SAMD3: variants seen among roughly 807,000 people sequenced by gnomAD.
SAMD3 encodes sterile alpha motif domain-containing protein 3.
In SAMD3, 63 loss-of-function variants were observed where a neutral mutation model predicts 58.5. The ratio of observed to expected loss-of-function variants is 1.08; its 90% CI spans 0.88 to 1.33. SAMD3 has a LOEUF of 1.33. Among genes scored for constraint, SAMD3 ranks in the 40% most tolerant of loss-of-function variants. SAMD3 has a pLI of 0.00. For missense variants in SAMD3, 604 were observed against 608.4 expected (o/e 0.99, Z 0.08); for synonymous variants, 220 against 210.3 (o/e 1.05, Z -0.40).
intron 1 of SAMD3, among the ~76,000 whole-genome samples, chr6:130,351,329 T>G (rs1196965859): frequency 6.6e-6 from 1 of 152,196 alleles, no homozygotes; most frequent in East Asian, 1.9e-4. Context: ...TCTACTCGTC[T>G]GACAAAGGGC....
At chr6:130,315,838 A>C (rs1171296192) in intron 1 of SAMD3, among the ~76,000 whole-genome samples, 1 of 152,154 alleles carries the variant, frequency 6.6e-6, no homozygotes, top group East Asian at 1.9e-4. Flanking sequence ...TATTAATTCT[A>C]TAACGATGAG....
chr6:130,164,392 TAA>T (rs2114625705), intron 8 of SAMD3, among the ~76,000 whole-genome samples: 2 of 152,312 alleles, frequency 1.3e-5, no homozygotes, highest in East Asian at 3.9e-4. Context: ...CAAATGGCAG[TAA>T]CTCTCATATA....
At chr6:130,348,514 A>C (rs1777535597) in intron 1 of SAMD3, among the ~76,000 whole-genome samples, 1 of 152,222 alleles carries the variant, frequency 6.6e-6, no homozygotes, top group African/African-American at 2.4e-5. Flanking sequence ...GATCAATTCA[A>C]CAAGAAGAGC....
At chr6:130,219,381 G>T (rs1418685865) in intron 1 of SAMD3, among the ~76,000 whole-genome samples, 1 of 151,894 alleles carries the variant, frequency 6.6e-6, no homozygotes, top group Non-Finnish European at 1.5e-5. Flanking sequence ...GTGGTGTTTG[G>T]TTACCTGCAT....
At chr6:130,178,256 G>C (rs1261755034) in intron 7 of SAMD3, among the ~76,000 whole-genome samples, 1 of 125,658 alleles carries the variant, frequency 8.0e-6, no homozygotes, top group East Asian at 1.9e-4. Context: ...GATTACAGGC[G>C]TGAGCCACCA....
At chr6:130,165,691 A>G (rs534883328) in intron 8 of SAMD3, among the ~76,000 whole-genome samples, 33 of 152,258 alleles carry the variant, frequency 2.2e-4, no homozygotes, top group African/African-American at 7.5e-4. Context: ...TCATGGCCAG[A>G]AAGTTTATGA....
rs139602477 is a variant in SAMD3, at chr6:130,154,192, T to C, written c.1023+633A>G. 1.7e-3 allele frequency among the ~76,000 whole-genome samples: 263 copies of C among 151,212 alleles called. 1 individual carries two copies. The highest frequency in any genetic ancestry group is 6.1e-3 in the African/African-American group (251 of 41,174). ...CCAATGACAGAGAACTCTTTAGTTC[T>C]GAAGGCAGCTGGTGCCTATTATCTG... On this transcript the variant is annotated intron_variant, in intron 9 of 11. Transcript: ENST00000439090.
chr6:130,197,599 A>G (rs2114771013), intron 5 of SAMD3, among the ~76,000 whole-genome samples: 1 of 152,186 alleles, frequency 6.6e-6, no homozygotes, highest in South Asian at 2.1e-4. Context: ...TAAATGACAA[A>G]TATTCCTTCT....
chr6:130,355,157 C>T (rs2115040150), intron 1 of SAMD3, among the ~76,000 whole-genome samples: 1 of 152,320 alleles, frequency 6.6e-6, no homozygotes, highest in South Asian at 2.1e-4. Flanking sequence ...GGCACGGTGG[C>T]TCACGCCTGT....
intron 1 of SAMD3, among the ~76,000 whole-genome samples, chr6:130,326,810 T>G (rs552323463): frequency 3.9e-5 from 6 of 152,338 alleles, no homozygotes; most frequent in African/African-American, 1.4e-4. Flanking sequence ...GAGGATAATG[T>G]GAACGTCTAC....
In SAMD3 at chr6:130,334,929, T is replaced by G. The variant is rs149284944; in HGVS notation, c.-303-21836A>C. ...ACCAGCAGACAGCCAGCATGCATGCTTAGTGTGAAAAGGACAGCATGTCAT... is the reference window on the plus strand; with the variant it reads ...ACCAGCAGACAGCCAGCATGCATGCGTAGTGTGAAAAGGACAGCATGTCAT... On this transcript the variant is annotated intron_variant, in intron 1 of 13. Coordinates refer to the SAMD3 transcript ENST00000368134. Among the ~76,000 whole-genome samples the G allele has an allele frequency of 2.0e-3, 310 of 152,340 alleles. 1 individual carries two copies. Among genetic ancestry groups the G allele is most frequent in the African/African-American group, 7.3e-3 (305 of 41,578 alleles).
rs73612035 is a variant in SAMD3 at position 130,285,964 on chromosome 6, G to A, written c.-188+27014C>T. The stretch of plus-strand genomic sequence containing the variant: ...AGTGCTTTAGAAACACTAGTTTGTT[G>A]TCATAATAAAAATGATTATGCACCT... On this transcript the variant is annotated intron_variant, in intron 2 of 13. Transcript: ENST00000368134. Among the ~76,000 whole-genome samples, 1,245 of 152,246 alleles carry A rather than the reference G, an allele frequency of 8.2e-3. 18 individuals are homozygous for A. Among genetic ancestry groups the A allele is most frequent in the African/African-American group, 0.029 (1,190 of 41,534 alleles).
intron 1 of SAMD3, among the ~76,000 whole-genome samples, chr6:130,341,456 T>A (rs189714093): frequency 6.6e-6 from 1 of 152,344 alleles, no homozygotes; most frequent in Admixed American, 6.5e-5. Flanking sequence ...AAAATCATAC[T>A]TAACTTGCCT....
Position 130,341,260 on chromosome 6 carries a change from C to A in SAMD3, c.-304+23860G>T, listed in dbSNP as rs184421886. ...TTAACACATGATATCACATCAGAAT[C>A]CTTCAGCTGACTGATGACTACCCCA... On this transcript the variant is annotated intron_variant, in intron 1 of 13. Transcript: ENST00000368134. Among the ~76,000 whole-genome samples the A allele has an allele frequency of 7.0e-4, 107 of 152,282 alleles. 1 individual carries two copies. The highest frequency in any genetic ancestry group is 7.5e-4 in the Non-Finnish European group (51 of 68,024).
Position 130,271,811 on chromosome 6 carries a change from C to T in SAMD3, c.-188+41167G>A, listed in dbSNP as rs143683189. 7.2e-3 allele frequency among the ~76,000 whole-genome samples: 1,089 copies of T among 152,258 alleles called. 11 individuals are homozygous for T. The highest frequency in any genetic ancestry group is 0.017 in the Middle Eastern group (5 of 294). ...TGGCAGAAGATGAAGGAAGAGCTAACGAACATCTTACATGGTGGCAGGCAA... is the reference window on the plus strand; with the variant it reads ...TGGCAGAAGATGAAGGAAGAGCTAATGAACATCTTACATGGTGGCAGGCAA... On this transcript the variant is annotated intron_variant, in intron 2 of 13. Coordinates refer to the SAMD3 transcript ENST00000368134.
chr6:130,254,575 T>C (rs1477201037), intron 2 of SAMD3, among the ~76,000 whole-genome samples: 1 of 152,162 alleles, frequency 6.6e-6, no homozygotes, highest in Non-Finnish European at 1.5e-5. Flanking sequence ...GCAATCTGCC[T>C]GCCTTGGCCT....
chr6:130,159,451 C>A (rs1790086099), intron 8 of SAMD3: 1 of 152,244 alleles, frequency 6.6e-6, no homozygotes. Flanking sequence ...TTTTCATCTG[C>A]CACACAGAGG....
At chr6:130,181,568 A>T (rs187449701) in intron 7 of SAMD3, among the ~76,000 whole-genome samples, 87 of 152,352 alleles carry the variant, frequency 5.7e-4, no homozygotes, top group Non-Finnish European at 6.3e-4. Flanking sequence ...GATAAAATGG[A>T]CACAAGAGCA....
At chr6:130,200,198 C>G (rs1794517290) in intron 5 of SAMD3, among the ~76,000 whole-genome samples, 1 of 152,038 alleles carries the variant, frequency 6.6e-6, no homozygotes, top group African/African-American at 2.4e-5. Flanking sequence ...ATCTTATCTA[C>G]TACCATGACA....
Sources: gnomAD v4.1 joint callset for allele counts (sites outside exome capture counted in the v4.1 genomes callset) on GRCh38, gnomAD v4.1.1 for gene constraint, MANE v1.5 for transcripts, NCBI Gene and HGNC (gene_info 2026-07-23, HGNC 2026-07-21) for gene names.